SPMIP2: variants seen among roughly 807,000 people sequenced by gnomAD.
SPMIP2 encodes the protein sperm microtubule inner protein 2, also known as protein SPMIP2.
At chr4:159,031,126 T>G in the SPMIP2 span, among the ~76,000 whole-genome samples, 1 of 152,206 alleles carries the variant, frequency 6.6e-6, no homozygotes, top group East Asian at 1.9e-4. Flanking sequence ...GACTTTATAT[T>G]AAAAACAGTT....
At chr4:158,899,750 T>C in the SPMIP2 span, among the ~76,000 whole-genome samples, 3 of 152,336 alleles carry the variant, frequency 2.0e-5, no homozygotes, top group Admixed American at 6.5e-5. Flanking sequence ...CTTTCTTCTT[T>C]ATTAGTCTGG....
At chr4:158,907,869 G>A in the SPMIP2 span, 3 of 152,284 alleles carry the variant, frequency 2.0e-5, no homozygotes, top group South Asian at 2.1e-4. Context: ...TTTCAAAAAC[G>A]AGAAAATTCT....
the SPMIP2 span, among the ~76,000 whole-genome samples, chr4:158,959,374 A>G: frequency 1.3e-5 from 2 of 152,198 alleles, no homozygotes; most frequent in African/African-American, 4.8e-5. Context: ...GCTTTAAAGT[A>G]TATCTGTTTC....
chr4:159,051,953 T>C, the SPMIP2 span, among the ~76,000 whole-genome samples: 1 of 152,074 alleles, frequency 6.6e-6, no homozygotes, highest in Non-Finnish European at 1.5e-5. Context: ...TCCTTGCTCT[T>C]CCTTGCCCTG....
chr4:158,910,634 G>C, the SPMIP2 span, among the ~76,000 whole-genome samples: 1 of 152,192 alleles, frequency 6.6e-6, no homozygotes, highest in Non-Finnish European at 1.5e-5. Flanking sequence ...CCTGAATAAA[G>C]CTATTTATCC....
the SPMIP2 span, among the ~76,000 whole-genome samples, chr4:159,039,169 G>A: frequency 6.6e-6 from 1 of 152,000 alleles, no homozygotes; most frequent in African/African-American, 2.4e-5. Flanking sequence ...GAACTCCTGG[G>A]CTCAAGCAAT....
At chr4:158,967,529 C>T in the SPMIP2 span, among the ~76,000 whole-genome samples, 10 of 152,132 alleles carry the variant, frequency 6.6e-5, no homozygotes, top group Non-Finnish European at 1.2e-4. Flanking sequence ...CAAAGACATG[C>T]CTAATTTTAG....
At chr4:158,910,059 T>A in the SPMIP2 span, among the ~76,000 whole-genome samples, 1 of 151,518 alleles carries the variant, frequency 6.6e-6, no homozygotes. Flanking sequence ...CAAAAAAAAA[T>A]TTGTAGAGAC....
At chr4:159,050,087 T>C in the SPMIP2 span, among the ~76,000 whole-genome samples, 1 of 152,262 alleles carries the variant, frequency 6.6e-6, no homozygotes, top group Non-Finnish European at 1.5e-5. Flanking sequence ...GCTGCTCTTT[T>C]TGACCCTGCA....
chr4:158,919,190 A>C, the SPMIP2 span, among the ~76,000 whole-genome samples: 2 of 152,178 alleles, frequency 1.3e-5, no homozygotes, highest in Non-Finnish European at 2.9e-5. Context: ...ACATAACCTC[A>C]ACATAACCGT....
At chr4:158,932,218 A>C in the SPMIP2 span, among the ~76,000 whole-genome samples, 1 of 152,302 alleles carries the variant, frequency 6.6e-6, no homozygotes, top group South Asian at 2.1e-4. Flanking sequence ...AACAATTTCA[A>C]GAATTGTATG....
chr4:159,079,768 A>G, the SPMIP2 span, among the ~76,000 whole-genome samples: 2 of 152,120 alleles, frequency 1.3e-5, no homozygotes, highest in South Asian at 4.1e-4. Flanking sequence ...TTTTACTTTT[A>G]ATCACCTTTT....
At chr4:159,051,246 G>A in the SPMIP2 span, among the ~76,000 whole-genome samples, 1 of 152,158 alleles carries the variant, frequency 6.6e-6, no homozygotes, top group Non-Finnish European at 1.5e-5. Context: ...ATTATGTTCA[G>A]ATGAATGCAA....
chr4:159,068,237 A>G, the SPMIP2 span, among the ~76,000 whole-genome samples: 1 of 152,228 alleles, frequency 6.6e-6, no homozygotes, highest in African/African-American at 2.4e-5. Flanking sequence ...ACTATTCACA[A>G]TAGCAAAGAC....
chr4:158,908,485 C>T, the SPMIP2 span, among the ~76,000 whole-genome samples: 1 of 152,124 alleles, frequency 6.6e-6, no homozygotes. Context: ...AAGATTTTTA[C>T]TTTGTAAGAT....
chr4:158,952,713 G>A, the SPMIP2 span, among the ~76,000 whole-genome samples: 16 of 152,190 alleles, frequency 1.1e-4, no homozygotes, highest in African/African-American at 3.4e-4. Context: ...GAGACTTGTC[G>A]AATGGCTTTG....
the SPMIP2 span, among the ~76,000 whole-genome samples, chr4:158,912,877 A>C: frequency 6.6e-6 from 1 of 152,330 alleles, no homozygotes; most frequent in South Asian, 2.1e-4. Context: ...GGTATGACCA[A>C]GTGCTCAACT....
chr4:158,921,270 C>T, the SPMIP2 span, among the ~76,000 whole-genome samples: 1 of 152,122 alleles, frequency 6.6e-6, no homozygotes, highest in Non-Finnish European at 1.5e-5. Flanking sequence ...GAAACCCCGT[C>T]TCTACTAAAA....
the SPMIP2 span, among the ~76,000 whole-genome samples, chr4:158,935,288 A>G: frequency 1.3e-5 from 2 of 152,118 alleles, no homozygotes; most frequent in African/African-American, 4.8e-5. Flanking sequence ...TTTCCCACAC[A>G]GCCTTGAAAA....
Sources: allele counts gnomAD v4.1 joint callset (sites outside exome capture counted in the v4.1 genomes callset), GRCh38; gene constraint gnomAD v4.1.1; transcripts MANE v1.5; gene names NCBI Gene and HGNC (gene_info 2026-07-23, HGNC 2026-07-21).